Variants in SCAPER observed in about 807,000 individuals in gnomAD.
SCAPER encodes the protein S phase cyclin A-associated protein in the endoplasmic reticulum.
In SCAPER, 98 loss-of-function variants were observed where a neutral mutation model predicts 182.2. That is an observed-to-expected ratio of 0.54 (90% CI 0.46 to 0.64). The LOEUF (loss-of-function observed/expected upper bound fraction) is 0.64, where lower values mean the gene tolerates loss of function less well. Among genes scored for constraint, SCAPER ranks in the 30% least tolerant of loss-of-function variants. SCAPER has a pLI of 0.00. For missense variants in SCAPER, 1,432 were observed against 1,690.0 expected (o/e 0.85, Z 2.68); for synonymous variants, 605 against 564.6 (o/e 1.07, Z -1.01).
intron 22 of SCAPER, among the ~76,000 whole-genome samples, chr15:76,575,570 G>C (rs2047757561): frequency 6.6e-6 from 1 of 152,072 alleles, no homozygotes; most frequent in Non-Finnish European, 1.5e-5. Context: ...CACCACACAG[G>C]ATGTATGCAT....
intron 25 of SCAPER, among the ~76,000 whole-genome samples, chr15:76,436,353 C>T (rs1290114888): frequency 6.6e-6 from 1 of 152,202 alleles, no homozygotes. Context: ...CAGGTGTGAG[C>T]CACTGCAGCC....
intron 23 of SCAPER, among the ~76,000 whole-genome samples, chr15:76,554,742 A>G (rs2046055981): frequency 6.6e-6 from 1 of 151,960 alleles, no homozygotes; most frequent in Non-Finnish European, 1.5e-5. Context: ...ACCTTTCAGC[A>G]GAAATCCTAC....
intron 24 of SCAPER, among the ~76,000 whole-genome samples, chr15:76,503,308 G>A (rs977671400): frequency 6.6e-6 from 1 of 152,110 alleles, no homozygotes; most frequent in Non-Finnish European, 1.5e-5. Context: ...ATATTGATAA[G>A]GAATAGCAAC....
At chr15:76,814,685 C>T (rs1171866945) in intron 5 of SCAPER, among the ~76,000 whole-genome samples, 1 of 152,082 alleles carries the variant, frequency 6.6e-6, no homozygotes, top group Non-Finnish European at 1.5e-5. Context: ...GGAAAAGTTC[C>T]TTAATAGTGA....
intron 17 of SCAPER, among the ~76,000 whole-genome samples, chr15:76,720,708 T>G (rs572941869): frequency 6.6e-6 from 1 of 152,256 alleles, no homozygotes; most frequent in Non-Finnish European, 1.5e-5. Context: ...CATGTGGTTC[T>G]TGGCTGCATA....
chr15:76,514,949 T>C (rs147696815), intron 23 of SCAPER, among the ~76,000 whole-genome samples: 215 of 152,346 alleles, frequency 1.4e-3, no homozygotes, highest in African/African-American at 4.8e-3. Context: ...CTTCTTTATA[T>C]TCCTATAATC....
intron 21 of SCAPER, among the ~76,000 whole-genome samples, chr15:76,660,399 A>T (rs2056041451): frequency 1.3e-5 from 2 of 152,210 alleles, no homozygotes; most frequent in South Asian, 4.1e-4. Context: ...ATAAAAATTT[A>T]AAACAATAAT....
At chr15:76,412,917 A>C (rs371284870) in intron 26 of SCAPER, among the ~76,000 whole-genome samples, 47 of 152,262 alleles carry the variant, frequency 3.1e-4, no homozygotes, top group African/African-American at 1.1e-3. Context: ...TCTCTCGGTA[A>C]TGCTTTGTAG....
chr15:76,739,806 G>T (rs2061453446), intron 15 of SCAPER, among the ~76,000 whole-genome samples: 1 of 152,148 alleles, frequency 6.6e-6, no homozygotes, highest in Non-Finnish European at 1.5e-5. Context: ...GAGTACAAAA[G>T]TAACACTATC....
At chr15:76,667,646 A>AC (rs2056699191) in intron 20 of SCAPER, among the ~76,000 whole-genome samples, 2 of 128,698 alleles carry the variant, frequency 1.6e-5, no homozygotes, top group Non-Finnish European at 3.3e-5. Flanking sequence ...AAAAAAAAAA[A>AC]AAAAAAAAAA....
At chr15:76,863,904 A>G (rs2072068234) in intron 2 of SCAPER, among the ~76,000 whole-genome samples, 1 of 152,140 alleles carries the variant, frequency 6.6e-6, no homozygotes, top group Non-Finnish European at 1.5e-5. Context: ...CCCAAGCCAC[A>G]AGTAGAGAGA....
chr15:76,363,830 C>T (rs1444869236), intron 29 of SCAPER, among the ~76,000 whole-genome samples: 1 of 152,194 alleles, frequency 6.6e-6, no homozygotes, highest in Non-Finnish European at 1.5e-5. Context: ...TGCTACAATG[C>T]TATAGTAAAA....
intron 15 of SCAPER, among the ~76,000 whole-genome samples, chr15:76,747,732 C>T (rs1388259036): frequency 6.6e-6 from 1 of 152,070 alleles, no homozygotes; most frequent in Non-Finnish European, 1.5e-5. Context: ...TCCTCTTTCA[C>T]GATGTGATCT....
chr15:76,403,534 G>A (rs575459197), intron 27 of SCAPER, among the ~76,000 whole-genome samples: 95 of 152,292 alleles, frequency 6.2e-4, no homozygotes, highest in South Asian at 1.0e-3. Context: ...GTTCATTTTA[G>A]AATATAGTTT....
At chr15:76,754,830 A>G (rs1303454282) in intron 14 of SCAPER, among the ~76,000 whole-genome samples, 1 of 152,166 alleles carries the variant, frequency 6.6e-6, no homozygotes, top group Non-Finnish European at 1.5e-5. Flanking sequence ...GTGTAACACT[A>G]GAAACAACAC....
intron 17 of SCAPER, among the ~76,000 whole-genome samples, chr15:76,708,337 G>C (rs1243002186): frequency 5.3e-5 from 8 of 151,924 alleles, no homozygotes; most frequent in African/African-American, 7.3e-5. Context: ...TGGATAGAAA[G>C]AGCCAAATGT....
rs561263441 is a variant in SCAPER at position 76,711,739 on chromosome 15, T to C, written c.2166-5755A>G. Among the ~76,000 whole-genome samples, 155 of 152,356 alleles carry C rather than the reference T, an allele frequency of 1.0e-3. 4 individuals carry two copies. The South Asian group carries it at 0.031, about 31-fold the overall frequency. ...TTTTGGCCGCATAAATGTCTTCTTT[T>C]GAGAAGTGTCTGTTCATATCCTCCC... On this transcript the variant is annotated intron_variant, in intron 17 of 31. Coordinates refer to ENST00000563290, the MANE Select transcript of SCAPER (RefSeq NM_020843.4).
At chr15:76,524,352 T>C (rs776658939) in intron 23 of SCAPER, among the ~76,000 whole-genome samples, 2 of 152,086 alleles carry the variant, frequency 1.3e-5, no homozygotes, top group African/African-American at 4.8e-5. Flanking sequence ...AGCTATAAGA[T>C]AAGGCAAAAT....
intron 23 of SCAPER, among the ~76,000 whole-genome samples, chr15:76,559,356 G>A (rs932829447): frequency 3.3e-5 from 5 of 151,688 alleles, no homozygotes; most frequent in African/African-American, 1.2e-4. Context: ...GCACCCGGCC[G>A]AGATCTGATG....
Sources: allele counts gnomAD v4.1 joint callset (sites outside exome capture counted in the v4.1 genomes callset), GRCh38; gene constraint gnomAD v4.1.1; transcripts MANE v1.5; gene names NCBI Gene and HGNC (gene_info 2026-07-23, HGNC 2026-07-21).